ZNF705B: variants seen among roughly 807,000 people sequenced by gnomAD.
The protein encoded by ZNF705B is zinc finger protein 705B.
A neutral mutation model predicts 10.5 loss-of-function variants in ZNF705B; 1 was observed. The observed-to-expected ratio is 0.10, with a 90% CI of 0.03 to 0.45. The LOEUF is 0.45. Ranked by LOEUF, ZNF705B falls within the 20% of genes least tolerant of loss-of-function variation. The pLI is 0.97. For missense variants in ZNF705B, 14 were observed against 84.0 expected, an observed-to-expected ratio of 0.17 and a Z score of 3.26; for synonymous variants, 4 against 25.4, an observed-to-expected ratio of 0.16 and a Z score of 2.53.
intron 2 of ZNF705B, among the ~76,000 whole-genome samples, chr8:7,940,720 A>G (rs1369573700): frequency 1.3e-4 from 19 of 146,988 alleles, no homozygotes; most frequent in Admixed American, 9.7e-4. Flanking sequence ...CCTATTTCAT[A>G]TAACCTAATG....
chr8:7,931,970 C>A (rs1819861849), intron 2 of ZNF705B, among the ~76,000 whole-genome samples: 1 of 121,446 alleles, frequency 8.2e-6, no homozygotes, highest in African/African-American at 2.5e-5. Flanking sequence ...GATTCAGGGG[C>A]TGTTGGGCCC....
chr8:7,927,807 A>G (rs1819739994), intron 1 of ZNF705B, among the ~76,000 whole-genome samples: 2 of 147,250 alleles, frequency 1.4e-5, no homozygotes, highest in Admixed American at 7.0e-5. Flanking sequence ...CAAAGACCAC[A>G]GCTTACATCA....
At chr8:7,933,925 TA>T (rs1819921856) in intron 2 of ZNF705B, among the ~76,000 whole-genome samples, 1 of 77,374 alleles carries the variant, frequency 1.3e-5, no homozygotes, top group Admixed American at 1.9e-4. Flanking sequence ...ACATGTAATA[TA>T]AACTTTTTTT....
chr8:7,931,152 C>A lies in ZNF705B; in HGVS notation c.-72+716C>A, dbSNP rs1326541999. Among the ~76,000 whole-genome samples the A allele has an allele frequency of 5.1e-3, 616 of 121,242 alleles. 25 individuals are homozygous for A. The highest frequency in any genetic ancestry group is 0.015 in the African/African-American group (584 of 39,610). 79.5% of individuals were successfully genotyped at this position (121,242 alleles called of 152,430 possible). A position where few individuals can be genotyped will look rare whatever the true frequency, so the allele number is the denominator to read the frequency against. Reference sequence around the variant, plus strand: ...ACAGGTGTGAGTCAGGTGGCTTTCTCAAGTGCCAGCAGTGACAGTGGTGAG... The same window carrying A: ...ACAGGTGTGAGTCAGGTGGCTTTCTAAAGTGCCAGCAGTGACAGTGGTGAG... On this transcript the variant is annotated intron_variant, in intron 2 of 6. Coordinates refer to ENST00000400120, the MANE Select transcript of ZNF705B (RefSeq NM_001193630.1).
chr8:7,934,680 T>TTGTGTGAGTGTCTG (rs1819961781), intron 2 of ZNF705B: 1 of 201,342 alleles, frequency 5.0e-6, no homozygotes, highest in African/African-American at 7.5e-5. Flanking sequence ...TTGTGTGGAT[T>TTGTGTGAGTGTCTG]TGTGTGTGTG....
intron 1 of ZNF705B, among the ~76,000 whole-genome samples, chr8:7,928,164 C>T (rs972877122): frequency 8.9e-6 from 1 of 112,128 alleles, no homozygotes; most frequent in African/African-American, 2.6e-5. Context: ...TACAAACGAG[C>T]TCCTTCAGGC....
chr8:7,929,376 C>T (rs1290091047), intron 1 of ZNF705B, among the ~76,000 whole-genome samples: 6 of 120,504 alleles, frequency 5.0e-5, no homozygotes, highest in Non-Finnish European at 1.0e-4. Flanking sequence ...TTTATATTTC[C>T]AAAAGGAAAG....
At chr8:7,932,690 C>A (rs1005717648) in intron 2 of ZNF705B, among the ~76,000 whole-genome samples, 3 of 120,542 alleles carry the variant, frequency 2.5e-5, no homozygotes, top group African/African-American at 5.0e-5. Flanking sequence ...ATGTTTTGAA[C>A]TTTTTGAGAT....
chr8:7,931,036 A>G (rs2128941812), intron 2 of ZNF705B, among the ~76,000 whole-genome samples: 1 of 119,386 alleles, frequency 8.4e-6, no homozygotes, highest in South Asian at 2.8e-4. Context: ...TGTCTTTAGT[A>G]GAGATGGAGT....
intron 1 of ZNF705B, among the ~76,000 whole-genome samples, chr8:7,929,341 A>G (rs1380180953): frequency 3.3e-5 from 4 of 121,588 alleles, no homozygotes; most frequent in East Asian, 4.7e-4. Context: ...TGGAAGAAAT[A>G]AAAAATGTTT....
intron 2 of ZNF705B, among the ~76,000 whole-genome samples, chr8:7,932,108 G>A (rs2979536): frequency 8.3e-6 from 1 of 120,900 alleles, no homozygotes; most frequent in African/African-American, 2.5e-5. Context: ...CCATCACATA[G>A]ACTCCAGGCA....
rs1337192111 is a variant in ZNF705B at position 7,935,864 on chromosome 8, G to T, written c.-72+5428G>T. Among the ~76,000 whole-genome samples the T allele has an allele frequency of 5.5e-5, 5 of 91,736 alleles. 1 individual carries two copies. The highest frequency in any genetic ancestry group is 8.2e-5 in the African/African-American group (3 of 36,486). The allele number at this position is 91,736 out of a possible 152,430, so 60.2% of individuals were successfully genotyped here. ...TTATCTGTAAGTAGTCAGCTATTAC[G>T]TATAGTAGTACCCAAGCCCACTGGC... is the stretch of plus-strand genomic sequence containing the variant. On this transcript the variant is annotated intron_variant, in intron 2 of 6. Transcript: ENST00000400120.
chr8:7,931,356 G>A (rs2128941918), intron 2 of ZNF705B, among the ~76,000 whole-genome samples: 1 of 122,024 alleles, frequency 8.2e-6, no homozygotes, highest in Admixed American at 9.2e-5. Context: ...TGTGGGCACT[G>A]GTGACAGCCG....
intron 2 of ZNF705B, among the ~76,000 whole-genome samples, chr8:7,932,765 A>G (rs1481795417): frequency 1.7e-5 from 2 of 115,700 alleles, no homozygotes. Context: ...AGTGAAAAAT[A>G]AAATCCAGCT....
intron 2 of ZNF705B, chr8:7,934,587 AG>A (rs1347149007): frequency 1.7e-6 from 1 of 600,788 alleles, no homozygotes; most frequent in Non-Finnish European, 2.8e-6. Flanking sequence ...TACATGCAGA[AG>A]GGGTTATTGT....
rs578185356 is a variant in ZNF705B at position 7,944,911 on chromosome 8, G to C, written c.-71-2440G>C. Among the ~76,000 whole-genome samples, 29 of 71,720 alleles carry C rather than the reference G, an allele frequency of 4.0e-4. 1 individual carries two copies. Among genetic ancestry groups the C allele is most frequent in the African/African-American group, 1.1e-3 (29 of 25,804 alleles). 47.1% of individuals were successfully genotyped at this position (71,720 alleles called of 152,430 possible). ...CTTGAACCCAGGAGGTGGAGGTTGC[G>C]GTGAGCCGACATCGCGCCACTGCAC... On this transcript the variant is annotated intron_variant, in intron 2 of 6. Coordinates refer to ENST00000400120, the MANE Select transcript of ZNF705B (RefSeq NM_001193630.1).
chr8:7,933,993 T>G (rs1295583540), intron 2 of ZNF705B, among the ~76,000 whole-genome samples: 2 of 131,114 alleles, frequency 1.5e-5, no homozygotes, highest in African/African-American at 5.4e-5. Context: ...CAGGCTGGAG[T>G]GCAGTGTCGG....
intron 2 of ZNF705B, among the ~76,000 whole-genome samples, chr8:7,935,384 A>T (rs76346555): frequency 0.2 from 28,991 of 144,506 alleles, 574 homozygotes; most frequent in East Asian, 0.33. Flanking sequence ...TGCTCTGGGG[A>T]TAGGCCACAC....
intron 2 of ZNF705B, among the ~76,000 whole-genome samples, chr8:7,940,197 GA>G (rs1291376296): frequency 7.0e-6 from 1 of 142,592 alleles, no homozygotes; most frequent in East Asian, 2.1e-4. Context: ...AAAGCCAAGA[GA>G]AAAAAACAAG....
Sources: allele counts gnomAD v4.1 joint callset (sites outside exome capture counted in the v4.1 genomes callset), GRCh38; gene constraint gnomAD v4.1.1; transcripts MANE v1.5; gene names NCBI Gene and HGNC (gene_info 2026-07-23, HGNC 2026-07-21).